The following HS3ST4 variants were observed in gnomAD, a reference collection of about 807,000 sequenced individuals.
HS3ST4 encodes the protein heparan sulfate-glucosamine 3-sulfotransferase 4, also known as heparan sulfate glucosamine 3-O-sulfotransferase 4.
In HS3ST4, 17 loss-of-function variants were observed where a neutral mutation model predicts 29.2. The ratio of observed to expected loss-of-function variants is 0.58; its 90% CI spans 0.40 to 0.87. HS3ST4 has a LOEUF of 0.87. Among genes scored for constraint, HS3ST4 ranks in the 40% least tolerant of loss-of-function variants. The pLI is 0.00. For synonymous variants in HS3ST4, 314 were observed against 285.7 expected (o/e 1.10, Z -1.00); for missense variants, 627 against 634.5 (o/e 0.99, Z 0.13).
intron 1 of HS3ST4, among the ~76,000 whole-genome samples, chr16:25,825,147 G>A (rs188686255): frequency 2.6e-4 from 40 of 152,294 alleles, no homozygotes; most frequent in African/African-American, 8.7e-4. Context: ...AACAGAAGCC[G>A]AGATTGCACT....
At chr16:25,756,712 A>G (rs1336685428) in intron 1 of HS3ST4, among the ~76,000 whole-genome samples, 2 of 152,206 alleles carry the variant, frequency 1.3e-5, no homozygotes, top group Non-Finnish European at 2.9e-5. Flanking sequence ...TGTGTGAAAC[A>G]GATGTCACTG....
At chr16:25,935,521 C>T (rs1968509596) in intron 1 of HS3ST4, among the ~76,000 whole-genome samples, 2 of 152,114 alleles carry the variant, frequency 1.3e-5, no homozygotes, top group African/African-American at 4.8e-5. Flanking sequence ...TTTTACTTTA[C>T]TCATGGTTTT....
chr16:25,916,641 C>A (rs916163155), intron 1 of HS3ST4, among the ~76,000 whole-genome samples: 11 of 149,614 alleles, frequency 7.4e-5, no homozygotes, highest in African/African-American at 2.5e-4. Context: ...GGATTATGGG[C>A]ATGAGCCACC....
intron 1 of HS3ST4, among the ~76,000 whole-genome samples, chr16:26,030,165 T>C (rs1969518986): frequency 6.6e-6 from 1 of 152,238 alleles, no homozygotes; most frequent in Non-Finnish European, 1.5e-5. Flanking sequence ...CCAGCCTGCC[T>C]AGGTTCACAT....
chr16:25,948,863 A>G (rs767475981), intron 1 of HS3ST4, among the ~76,000 whole-genome samples: 1 of 152,198 alleles, frequency 6.6e-6, no homozygotes, highest in Non-Finnish European at 1.5e-5. Context: ...GTTGTTAAGC[A>G]TATTTTACAG....
intron 1 of HS3ST4, among the ~76,000 whole-genome samples, chr16:25,762,107 A>G (rs1966791867): frequency 6.6e-6 from 1 of 152,200 alleles, no homozygotes; most frequent in African/African-American, 2.4e-5. Context: ...AGGAGGATCC[A>G]TGAAGCCATA....
At chr16:26,041,834 A>G (rs1454853360) in intron 1 of HS3ST4, among the ~76,000 whole-genome samples, 1 of 152,234 alleles carries the variant, frequency 6.6e-6, no homozygotes, top group East Asian at 1.9e-4. Context: ...GGACTGTCCC[A>G]GTCAAACCAT....
intron 1 of HS3ST4, among the ~76,000 whole-genome samples, chr16:26,049,521 C>G (rs1348470543): frequency 6.6e-6 from 1 of 151,420 alleles, no homozygotes; most frequent in African/African-American, 2.4e-5. Flanking sequence ...AGCGGAAAAA[C>G]ACAGTTTTTC....
chr16:25,910,577 A>T (rs543294699), intron 1 of HS3ST4, among the ~76,000 whole-genome samples: 5 of 152,030 alleles, frequency 3.3e-5, no homozygotes, highest in South Asian at 4.2e-4. Flanking sequence ...CAGGAGGCAG[A>T]GGTTGCAGTG....
intron 1 of HS3ST4, among the ~76,000 whole-genome samples, chr16:25,777,081 T>C (rs1966848164): frequency 6.6e-6 from 1 of 152,208 alleles, no homozygotes; most frequent in South Asian, 2.1e-4. Context: ...CCTATAGTGC[T>C]TCGTCACTGA....
chr16:26,123,696 G>A (rs2141812092), intron 1 of HS3ST4, among the ~76,000 whole-genome samples: 1 of 152,156 alleles, frequency 6.6e-6, no homozygotes. Context: ...AGTCCCCAAA[G>A]TCCATTATTC....
chr16:26,013,576 C>A (rs1969332539), intron 1 of HS3ST4, among the ~76,000 whole-genome samples: 1 of 152,180 alleles, frequency 6.6e-6, no homozygotes, highest in Non-Finnish European at 1.5e-5. Flanking sequence ...CTAAGCTCAT[C>A]AATTTCATAG....
intron 1 of HS3ST4, among the ~76,000 whole-genome samples, chr16:25,960,195 A>G (rs140081528): frequency 6.6e-6 from 1 of 152,114 alleles, no homozygotes; most frequent in Non-Finnish European, 1.5e-5. Context: ...TGGCCATGTG[A>G]CATACCTGCT....
At chr16:25,814,098 G>T (rs1476879584) in intron 1 of HS3ST4, among the ~76,000 whole-genome samples, 1 of 152,182 alleles carries the variant, frequency 6.6e-6, no homozygotes, top group African/African-American at 2.4e-5. Context: ...GTCCAAAAGG[G>T]GGAAGAAGGG....
At chr16:25,801,946 C>T (rs1197034401) in intron 1 of HS3ST4, among the ~76,000 whole-genome samples, 6 of 149,558 alleles carry the variant, frequency 4.0e-5, no homozygotes, top group Non-Finnish European at 8.9e-5. Flanking sequence ...GCAATCTGAT[C>T]GTGTTCATTT....
At chr16:25,941,543 T>C (rs955576343) in intron 1 of HS3ST4, among the ~76,000 whole-genome samples, 1 of 152,040 alleles carries the variant, frequency 6.6e-6, no homozygotes, top group African/African-American at 2.4e-5. Context: ...TTTTTTTGTT[T>C]GTTTTGTTTT....
chr16:25,903,612 T>G (rs185452899), intron 1 of HS3ST4, among the ~76,000 whole-genome samples: 1 of 152,196 alleles, frequency 6.6e-6, no homozygotes, highest in Admixed American at 6.5e-5. Flanking sequence ...TGAGCATACT[T>G]GTCCACATCT....
At chr16:25,880,302 GTGTC>G (rs1967881152) in intron 1 of HS3ST4, among the ~76,000 whole-genome samples, 2 of 152,122 alleles carry the variant, frequency 1.3e-5, no homozygotes, top group Admixed American at 1.3e-4. Context: ...TTGTCATTTA[GTGTC>G]CCTCCCAGAG....
chr16:25,970,273 A>G (rs1029671880), intron 1 of HS3ST4, among the ~76,000 whole-genome samples: 3 of 152,230 alleles, frequency 2.0e-5, no homozygotes, highest in African/African-American at 7.2e-5. Context: ...TGGAAATGGG[A>G]CAACCAAACT....
Sources: gnomAD v4.1 joint callset for allele counts (sites outside exome capture counted in the v4.1 genomes callset) on GRCh38, gnomAD v4.1.1 for gene constraint, MANE v1.5 for transcripts, NCBI Gene and HGNC (gene_info 2026-07-23, HGNC 2026-07-21) for gene names.